ADGRV1: variants seen among roughly 807,000 people sequenced by gnomAD.
ADGRV1 encodes G-protein coupled receptor 98.
Under a neutral mutation model 596.2 loss-of-function variants are expected in ADGRV1, and 359 were observed. That is an observed-to-expected ratio of 0.60 (90% CI 0.55 to 0.66). The LOEUF (loss-of-function observed/expected upper bound fraction) is 0.66. ADGRV1 is among the 30% of genes least tolerant of loss of function. ADGRV1 has a pLI of 0.00. For missense variants in ADGRV1, 7,274 were observed against 7,575.6 expected (o/e 0.96, Z 1.48); for synonymous variants, 2,681 against 2,679.2 (o/e 1.00, Z -0.02).
chr5:90,802,667 A>G, intron 70 of ADGRV1, 72 bp from the exon 71 acceptor site: 1 of 1,410,496 alleles, frequency 7.1e-7, no homozygotes, highest in Non-Finnish European at 9.8e-7. Context: ...GCATTATGCT[A>G]ATGGCTCAAG....
chr5:90,715,450 G>A (rs1749960265), intron 42 of ADGRV1, among the ~76,000 whole-genome samples: 1 of 152,142 alleles, frequency 6.6e-6, no homozygotes, highest in Non-Finnish European at 1.5e-5. Flanking sequence ...CTCCTGCATG[G>A]GCTGATGCTG....
intron 1 of ADGRV1, 116 bp from the exon 2 acceptor site, chr5:90,614,719 G>A (rs1194745284): frequency 1.3e-6 from 1 of 787,556 alleles, no homozygotes. Flanking sequence ...ATGTATTTAT[G>A]TCTTAGTTGT....
At chr5:90,899,121 A>G (rs1771597909) in intron 83 of ADGRV1, 1 of 152,208 alleles carries the variant, frequency 6.6e-6, no homozygotes, top group Non-Finnish European at 1.5e-5. Context: ...CATGACATAG[A>G]AAAAATATCA....
At chr5:90,921,615 ATCT>A (rs1227449998) in intron 83 of ADGRV1, among the ~76,000 whole-genome samples, 4 of 152,128 alleles carry the variant, frequency 2.6e-5, no homozygotes, top group African/African-American at 4.8e-5. Context: ...CAACCCTGCC[ATCT>A]GTGCTGTTAA....
At chr5:91,137,375 C>A (rs1794728150) in intron 87 of ADGRV1, among the ~76,000 whole-genome samples, 1 of 152,158 alleles carries the variant, frequency 6.6e-6, no homozygotes, top group Admixed American at 6.5e-5. Context: ...GGACCCACAT[C>A]ATGGCAGGCA....
At chr5:91,159,425 T>C (rs1796756035) in intron 89 of ADGRV1, among the ~76,000 whole-genome samples, 1 of 152,204 alleles carries the variant, frequency 6.6e-6, no homozygotes, top group South Asian at 2.1e-4. Flanking sequence ...AATTGTTTGA[T>C]CTAAAATAGA....
rs952995903 is a variant in ADGRV1, at chr5:90,726,752, A to G, written c.10161+1096A>G. Among the ~76,000 whole-genome samples the G allele has an allele frequency of 3.9e-5, 6 of 152,202 alleles. No individual in the cohort carries two copies. The East Asian group carries it at 9.7e-4, about 25-fold the overall frequency. On this transcript the variant is annotated intron_variant, in intron 48 of 89. Transcript: ENST00000405460. Reference sequence around the variant, plus strand: ...ACTTAGATGTCTTGGAGTTTTCCAGAAAGATTCACTTATAGTTCAAATTTC... The same window carrying G: ...ACTTAGATGTCTTGGAGTTTTCCAGGAAGATTCACTTATAGTTCAAATTTC...
rs548351825 is a variant in ADGRV1 at position 91,153,312 on chromosome 5, C to T, written c.18716C>T (p.Pro6239Leu). 47 of 1,612,160 alleles carry T rather than the reference C, an allele frequency of 2.9e-5. No homozygotes were observed. In the South Asian group the frequency reaches 4.2e-4, roughly 14 times the overall value. Reference sequence around the variant, plus strand: ...AGTCCACAAAATGGAGCCACGTTCCCGTCCTCTGGAGGATATGGCCAGGGG... The same window carrying T: ...AGTCCACAAAATGGAGCCACGTTCCTGTCCTCTGGAGGATATGGCCAGGGG... ...KPSPQNGATF[P>L]SSGGYGQGSL... Residue 6239 changes from proline (P) to leucine (L), a missense_variant, in exon 89 of 90, where the codon CCG becomes CTG. By Grantham distance (98) the Pro-to-Leu change is moderately conservative. Around this residue, in one of 5 missense-constraint regions of ADGRV1, gnomAD observed 1,874 missense variants for 1,970.2 expected, o/e 0.95. Coordinates refer to ENST00000405460, the MANE Select transcript of ADGRV1 (RefSeq NM_032119.4).
intron 67 of ADGRV1, 23 bp from the exon 68 acceptor site, chr5:90,788,048 C>A (rs1424704104): frequency 1.3e-6 from 2 of 1,556,944 alleles, no homozygotes; most frequent in Admixed American, 1.9e-5. Context: ...TAAAGAAATA[C>A]CAAAACCAAA....
At chr5:91,127,282 G>A (rs373723607) in intron 87 of ADGRV1, among the ~76,000 whole-genome samples, 5 of 152,192 alleles carry the variant, frequency 3.3e-5, no homozygotes, top group Admixed American at 3.3e-4. Context: ...GCTCATGCCT[G>A]TAATCCTAAC....
In ADGRV1 at chr5:90,811,773, T is replaced by A. The variant is rs185363548; in HGVS notation, c.16078+435T>A. Reference sequence around the variant, plus strand: ...CCAAAAAGATTTAAACTGTTGCCTTTTGTTTTGCTTTTGACCCAATGTAGT... The same window carrying A: ...CCAAAAAGATTTAAACTGTTGCCTTATGTTTTGCTTTTGACCCAATGTAGT... On this transcript the variant is annotated intron_variant, in intron 74 of 89. Coordinates refer to ENST00000405460, the MANE Select transcript of ADGRV1 (RefSeq NM_032119.4). Among the ~76,000 whole-genome samples, 396 of 152,236 alleles carry A rather than the reference T, an allele frequency of 2.6e-3. 1 individual carries two copies. The highest frequency in any genetic ancestry group is 9.2e-3 in the African/African-American group (382 of 41,548).
rs1581184627 is a variant in ADGRV1 at position 90,807,190 on chromosome 5, T to C, written c.14837-412T>C. Among the ~76,000 whole-genome samples, 6 of 152,184 alleles carry C rather than the reference T, an allele frequency of 3.9e-5. No individual in the cohort carries two copies. The South Asian group carries it at 1.2e-3, about 32-fold the overall frequency. ...TAGTTGTTACAGTCTGCTATATTTG[T>C]GACATTTTTTCTGAAGCATTTTAAA... is the stretch of plus-strand genomic sequence containing the variant. On this transcript the variant is annotated intron_variant, in intron 72 of 89. Transcript: ENST00000405460.
intron 1 of ADGRV1, 25 bp from the exon 2 acceptor site, chr5:90,614,807 GAAT>G (rs907822829): frequency 6.8e-7 from 1 of 1,471,472 alleles, no homozygotes; most frequent in Non-Finnish European, 9.4e-7. Context: ...TATATTTTGT[GAAT>G]AATATTTTTT....
At chr5:90,584,595 T>C (rs1354531036) in intron 1 of ADGRV1, among the ~76,000 whole-genome samples, 2 of 152,210 alleles carry the variant, frequency 1.3e-5, no homozygotes, top group African/African-American at 4.8e-5. Flanking sequence ...GATGTCTTAC[T>C]CAAGATGGCT....
chr5:90,840,779 G>A lies in ADGRV1; in HGVS notation c.16813G>A (p.Gly5605Ser), dbSNP rs750221226. The change falls in exon 78 of 90, where the codon GGT (glycine) becomes AGT (serine). Residue 5605 changes from glycine to serine, a missense_variant. Physicochemically the swap from Gly to Ser is moderately conservative, Grantham distance 56. This residue lies in a region of ADGRV1 where 1,874 missense variants were observed against 1,970.2 expected (regional missense o/e 0.95). Transcript: ENST00000405460. ...GATTGTCCTTTTTGACCCAAAAGGT[G>A]GTGCCAGAATTGATAAAGTGTATGG... The part of the protein sequence containing the change: ...FQIVLFDPKG[G>S]ARIDKVYGTA... 2 of 1,613,938 alleles carry A rather than the reference G, an allele frequency of 1.2e-6. No homozygotes were observed. Among genetic ancestry groups the A allele is most frequent in the Non-Finnish European group, 1.7e-6 (2 of 1,179,854 alleles).
chr5:90,846,829 T>C (rs1342118352), intron 78 of ADGRV1, among the ~76,000 whole-genome samples: 4 of 152,180 alleles, frequency 2.6e-5, no homozygotes, highest in African/African-American at 9.7e-5. Flanking sequence ...TCCTGCTGAT[T>C]GGTCCGTTTT....
intron 19 of ADGRV1, among the ~76,000 whole-genome samples, chr5:90,652,811 A>G (rs903672179): frequency 6.6e-6 from 1 of 152,166 alleles, no homozygotes; most frequent in African/African-American, 2.4e-5. Context: ...AAACATGCAA[A>G]TAGACTTTCT....
intron 28 of ADGRV1, among the ~76,000 whole-genome samples, chr5:90,684,590 A>AT (rs1429749439): frequency 6.6e-6 from 1 of 152,148 alleles, no homozygotes; most frequent in Non-Finnish European, 1.5e-5. Context: ...AAGTGCCACG[A>AT]TTAAGGTGCC....
At chr5:91,014,650 A>G (rs1274604545) in intron 85 of ADGRV1, among the ~76,000 whole-genome samples, 7 of 151,770 alleles carry the variant, frequency 4.6e-5, no homozygotes, top group African/African-American at 1.7e-4. Context: ...GAATTTATCC[A>G]TCTCTTCTAG....
Sources: allele counts gnomAD v4.1 joint callset (sites outside exome capture counted in the v4.1 genomes callset), GRCh38; gene constraint gnomAD v4.1.1; regional missense constraint gnomAD v4.1.1; transcripts MANE v1.5; gene names NCBI Gene and HGNC (gene_info 2026-07-23, HGNC 2026-07-21).